The following BLTP1 variants were observed in gnomAD, a reference collection of about 807,000 sequenced individuals.
The protein encoded by BLTP1 is bridge-like lipid transfer protein family member 1.
the BLTP1 span, chr4:122,243,447 A>G: frequency 3.0e-6 from 3 of 985,232 alleles, no homozygotes; most frequent in Non-Finnish European, 3.6e-6. Flanking sequence ...GGGACATAAA[A>G]TGTCAAGTCC....
the BLTP1 span, chr4:122,350,178 G>A: frequency 6.9e-7 from 1 of 1,452,624 alleles, no homozygotes; most frequent in Admixed American, 2.8e-5. Context: ...TTAGAAAATA[G>A]CCCACAGGCT....
At chr4:122,266,979 T>G in the BLTP1 span, 1 of 1,357,990 alleles carries the variant, frequency 7.4e-7, no homozygotes, top group Non-Finnish European at 1.0e-6. Flanking sequence ...CATTTTTGTG[T>G]ATAATTTTGT....
the BLTP1 span, chr4:122,318,095 GTC>G: frequency 6.4e-7 from 1 of 1,553,248 alleles, no homozygotes; most frequent in Non-Finnish European, 8.7e-7. Context: ...TAAAAAATCA[GTC>G]TTACTTTGTT....
chr4:122,325,371 A>T, the BLTP1 span: 1 of 1,537,792 alleles, frequency 6.5e-7, no homozygotes, highest in Non-Finnish European at 8.8e-7. Context: ...TAGTTTTTAC[A>T]AATTACAAAA....
the BLTP1 span, among the ~76,000 whole-genome samples, chr4:122,326,695 T>G: frequency 4.0e-4 from 60 of 151,758 alleles, no homozygotes; most frequent in Admixed American, 3.7e-3. Flanking sequence ...CATGTACTGC[T>G]TGTAAAAAAA....
chr4:122,180,124 C>T, the BLTP1 span: 1 of 984,922 alleles, frequency 1.0e-6, no homozygotes, highest in Non-Finnish European at 1.2e-6. Context: ...TTGGATTCTT[C>T]AGGAACTGGA....
At chr4:122,192,899 G>A in the BLTP1 span, among the ~76,000 whole-genome samples, 1 of 152,232 alleles carries the variant, frequency 6.6e-6, no homozygotes, top group African/African-American at 2.4e-5. Flanking sequence ...AGATAATGTG[G>A]CTTAAGCAAC....
the BLTP1 span, chr4:122,272,149 T>G: frequency 7.5e-6 from 12 of 1,600,098 alleles, no homozygotes; most frequent in Non-Finnish European, 1.0e-5. Context: ...TATTTTCATT[T>G]ACTTATAAAG....
chr4:122,153,839 G>C, the BLTP1 span: 3 of 249,868 alleles, frequency 1.2e-5, no homozygotes, highest in Non-Finnish European at 1.9e-5. Context: ...GGAAGTTGTA[G>C]TTTTATTTTA....
chr4:122,320,698 AT>A, the BLTP1 span, among the ~76,000 whole-genome samples: 1 of 152,136 alleles, frequency 6.6e-6, no homozygotes, highest in East Asian at 1.9e-4. Context: ...AAATATGTAT[AT>A]ATAAGTGGGT....
At chr4:122,160,702 A>G in the BLTP1 span, among the ~76,000 whole-genome samples, 2 of 152,196 alleles carry the variant, frequency 1.3e-5, no homozygotes, top group African/African-American at 2.4e-5. Context: ...AAAATGTTGT[A>G]TGATCTGATT....
chr4:122,321,525 G>GTA, the BLTP1 span, among the ~76,000 whole-genome samples: 2 of 120,890 alleles, frequency 1.7e-5, no homozygotes, highest in African/African-American at 3.1e-5. Context: ...GTGTGCATGT[G>GTA]TATATATGTG....
At chr4:122,307,673 G>A in the BLTP1 span, 1 of 984,802 alleles carries the variant, frequency 1.0e-6, no homozygotes, top group Non-Finnish European at 1.2e-6. Flanking sequence ...CATATAATAG[G>A]CATTTCACAA....
the BLTP1 span, among the ~76,000 whole-genome samples, chr4:122,330,689 TTGCTTTGCAGAAG>T: frequency 2.0e-5 from 3 of 152,058 alleles, no homozygotes; most frequent in South Asian, 6.2e-4. Context: ...ATTGTTTCCA[TTGCTTTGCAGAAG>T]CTTTTTTAGT....
chr4:122,342,688 T>C, the BLTP1 span, among the ~76,000 whole-genome samples: 3 of 152,170 alleles, frequency 2.0e-5, no homozygotes, highest in African/African-American at 7.2e-5. Flanking sequence ...ATTCATTTAC[T>C]GGAGATGGGG....
chr4:122,265,898 C>T, the BLTP1 span, among the ~76,000 whole-genome samples: 3 of 152,106 alleles, frequency 2.0e-5, no homozygotes, highest in Non-Finnish European at 4.4e-5. Flanking sequence ...AGGGTTTCAC[C>T]GTGTTAGCCA....
chr4:122,189,119 A>T, the BLTP1 span: 1 of 927,312 alleles, frequency 1.1e-6, no homozygotes, highest in Non-Finnish European at 1.3e-6. Flanking sequence ...AAGATGAAAA[A>T]GTGTCTTGCT....
At chr4:122,231,781 GT>G in the BLTP1 span, 5 of 972,134 alleles carry the variant, frequency 5.1e-6, no homozygotes, top group Non-Finnish European at 6.1e-6. Flanking sequence ...TCATTTCTCT[GT>G]TTAACAAAAT....
chr4:122,244,881 T>C, the BLTP1 span: 1 of 1,081,590 alleles, frequency 9.2e-7, no homozygotes, highest in Non-Finnish European at 1.3e-6. Flanking sequence ...TCTAAATATG[T>C]GGCTTAGACA....
Sources: gnomAD v4.1 joint callset for allele counts (sites outside exome capture counted in the v4.1 genomes callset) on GRCh38, gnomAD v4.1.1 for gene constraint, MANE v1.5 for transcripts, NCBI Gene and HGNC (gene_info 2026-07-23, HGNC 2026-07-21) for gene names.